Variants in VPS13B observed in about 807,000 individuals in gnomAD.
The protein encoded by VPS13B is vacuolar protein sorting 13 homolog B, also known as intermembrane lipid transfer protein VPS13B.
A neutral mutation model predicts 426.4 loss-of-function variants in VPS13B; 285 were observed. That is an observed-to-expected ratio of 0.67 (90% CI 0.61 to 0.74). The LOEUF (loss-of-function observed/expected upper bound fraction) is 0.74, where lower values mean the gene tolerates loss of function less well. Ranked by LOEUF, VPS13B falls within the 30% of genes least tolerant of loss-of-function variation. VPS13B has a pLI of 0.00. For missense variants in VPS13B, 4,537 were observed against 4,782.6 expected (o/e 0.95, Z 1.51); for synonymous variants, 1,676 against 1,676.4 (o/e 1.00, Z 0.01).
intron 3 of VPS13B, chr8:99,092,172 C>G (rs1292208954): frequency 6.6e-6 from 1 of 152,142 alleles, no homozygotes; most frequent in Non-Finnish European, 1.5e-5. Flanking sequence ...GATCTGTTTA[C>G]GTGCAGTGTT....
chr8:99,639,190 A>G (rs1829197965), intron 33 of VPS13B, among the ~76,000 whole-genome samples: 1 of 152,170 alleles, frequency 6.6e-6, no homozygotes, highest in Non-Finnish European at 1.5e-5. Flanking sequence ...TTGATCCCAC[A>G]TCTGTGTGAC....
intron 35 of VPS13B, among the ~76,000 whole-genome samples, chr8:99,664,148 A>G (rs1202376600): frequency 1.3e-5 from 2 of 151,746 alleles, no homozygotes; most frequent in African/African-American, 4.8e-5. Flanking sequence ...CTGGGACTAC[A>G]GGCACGCACC....
intron 33 of VPS13B, among the ~76,000 whole-genome samples, chr8:99,634,437 A>T (rs1219029915): frequency 6.6e-6 from 1 of 152,028 alleles, no homozygotes; most frequent in Non-Finnish European, 1.5e-5. Context: ...TCATACTGTT[A>T]CTTCAAAGAG....
intron 47 of VPS13B, 58 bp from the exon 48 acceptor site, chr8:99,819,354 A>G: frequency 1.3e-6 from 2 of 1,587,312 alleles, no homozygotes; most frequent in Non-Finnish European, 1.7e-6. Flanking sequence ...TTTTCAATAA[A>G]TTATATACCA....
intron 44 of VPS13B, among the ~76,000 whole-genome samples, chr8:99,813,296 G>A (rs558822159): frequency 6.6e-6 from 1 of 152,218 alleles, no homozygotes; most frequent in South Asian, 2.1e-4. Context: ...GAGGATCTTT[G>A]TCTTTAAACA....
At chr8:99,175,582 G>T (rs947162989) in intron 16 of VPS13B, among the ~76,000 whole-genome samples, 4 of 152,036 alleles carry the variant, frequency 2.6e-5, no homozygotes, top group Non-Finnish European at 5.9e-5. Context: ...AAGAGTTCCA[G>T]ACCCCATTTC....
intron 22 of VPS13B, among the ~76,000 whole-genome samples, chr8:99,440,112 G>A (rs1817608600): frequency 1.3e-5 from 2 of 152,246 alleles, no homozygotes; most frequent in African/African-American, 2.4e-5. Context: ...TTTAACACAT[G>A]AATGTGTTCA....
chr8:99,782,117 T>A (rs990033962), intron 42 of VPS13B, among the ~76,000 whole-genome samples: 6 of 152,188 alleles, frequency 3.9e-5, no homozygotes, highest in African/African-American at 1.4e-4. Flanking sequence ...TAGTAGTTAT[T>A]GCTGAGTTTA....
intron 17 of VPS13B, among the ~76,000 whole-genome samples, chr8:99,196,441 A>C (rs1813931612): frequency 6.6e-6 from 1 of 151,004 alleles, no homozygotes; most frequent in South Asian, 2.1e-4. Context: ...ATCAGTTCTA[A>C]AAGTTTTTGG....
intron 3 of VPS13B, among the ~76,000 whole-genome samples, chr8:99,052,772 G>A (rs1287679175): frequency 6.6e-6 from 1 of 152,176 alleles, no homozygotes; most frequent in Admixed American, 6.5e-5. Flanking sequence ...GGGTGTATGT[G>A]TCGAAGAATT....
At chr8:99,277,920 T>A (rs1430880849) in intron 19 of VPS13B, among the ~76,000 whole-genome samples, 1 of 152,236 alleles carries the variant, frequency 6.6e-6, no homozygotes, top group African/African-American at 2.4e-5. Flanking sequence ...CATTTACTTT[T>A]CTTTGCTTTT....
intron 8 of VPS13B, among the ~76,000 whole-genome samples, chr8:99,133,784 G>T (rs932635461): frequency 1.3e-5 from 2 of 152,110 alleles, no homozygotes; most frequent in East Asian, 3.9e-4. Context: ...TCTTAAATGG[G>T]CATGTTCATG....
At chr8:99,824,740 C>T (rs1046279919) in intron 51 of VPS13B, among the ~76,000 whole-genome samples, 2 of 151,904 alleles carry the variant, frequency 1.3e-5, no homozygotes, top group African/African-American at 2.4e-5. Flanking sequence ...CCTCCCCCTG[C>T]GACAGGCCCT....
intron 43 of VPS13B, among the ~76,000 whole-genome samples, chr8:99,806,783 G>A (rs1406840969): frequency 6.6e-6 from 1 of 152,188 alleles, no homozygotes; most frequent in Non-Finnish European, 1.5e-5. Flanking sequence ...ATCTGTAGCA[G>A]TGAAATTTAG....
intron 35 of VPS13B, among the ~76,000 whole-genome samples, chr8:99,671,871 T>C (rs1470035221): frequency 6.6e-6 from 1 of 152,184 alleles, no homozygotes; most frequent in African/African-American, 2.4e-5. Context: ...ACAGCATTTA[T>C]TGAAGAGACC....
At chr8:99,553,035 T>C (rs1039427788) in intron 30 of VPS13B, among the ~76,000 whole-genome samples, 1 of 152,154 alleles carries the variant, frequency 6.6e-6, no homozygotes, top group Non-Finnish European at 1.5e-5. Context: ...TGATCTCAGC[T>C]TTATGTGAAT....
At chr8:99,572,605 C>T (rs1825538447) in intron 31 of VPS13B, among the ~76,000 whole-genome samples, 1 of 152,206 alleles carries the variant, frequency 6.6e-6, no homozygotes, top group Non-Finnish European at 1.5e-5. Flanking sequence ...TTTCCAGCTT[C>T]ATCCATGTCC....
At chr8:99,128,215 C>T (rs1422969941) in intron 8 of VPS13B, among the ~76,000 whole-genome samples, 3 of 150,864 alleles carry the variant, frequency 2.0e-5, no homozygotes, top group Non-Finnish European at 4.4e-5. Flanking sequence ...ATGGAAACCC[C>T]GTCTTTACTA....
chr8:99,341,639 A>G (rs1481425443), intron 19 of VPS13B: 1 of 261,234 alleles, frequency 3.8e-6, no homozygotes, highest in Non-Finnish European at 7.9e-6. Context: ...TTGCACCTGT[A>G]TTACAGTGTA....
Sources: allele counts gnomAD v4.1 joint callset (sites outside exome capture counted in the v4.1 genomes callset), GRCh38; gene constraint gnomAD v4.1.1; transcripts MANE v1.5; gene names NCBI Gene and HGNC (gene_info 2026-07-23, HGNC 2026-07-21).